The following VRK1 variants were observed in gnomAD, a reference collection of about 807,000 sequenced individuals.
VRK1 encodes serine/threonine-protein kinase VRK1.
A neutral mutation model predicts 57.1 loss-of-function variants in VRK1; 33 were observed. The observed-to-expected ratio is 0.58, with a 90% CI of 0.44 to 0.77. The LOEUF is 0.77. Among genes scored for constraint, VRK1 ranks in the 30% least tolerant of loss-of-function variants. The pLI, the probability that VRK1 is intolerant of heterozygous loss-of-function variation, is 0.00. For synonymous variants in VRK1, 137 were observed against 147.8 expected (o/e 0.93, Z 0.53); for missense variants, 413 against 477.3 (o/e 0.87, Z 1.25).
At chr14:96,829,595 C>T (rs1886929878) in intron 1 of VRK1, among the ~76,000 whole-genome samples, 1 of 152,130 alleles carries the variant, frequency 6.6e-6, no homozygotes, top group Admixed American at 6.6e-5. Context: ...TGTTCAGGGA[C>T]ACAAGAGAAT....
intron 1 of VRK1, among the ~76,000 whole-genome samples, chr14:96,816,861 A>C (rs1465385283): frequency 6.6e-6 from 1 of 152,230 alleles, no homozygotes; most frequent in Non-Finnish European, 1.5e-5. Context: ...TCCTGAGTCA[A>C]AGTCAACTGT....
intron 12 of VRK1, among the ~76,000 whole-genome samples, chr14:96,879,926 C>CA (rs545516768): frequency 0.16 from 22,078 of 139,748 alleles, 1,821 homozygotes; most frequent in Non-Finnish European, 0.2. Context: ...GACTCCCTCT[C>CA]AAAAAAAAAA....
intron 1 of VRK1, among the ~76,000 whole-genome samples, chr14:96,803,678 G>T (rs549079530): frequency 1.3e-5 from 2 of 152,274 alleles, no homozygotes; most frequent in Admixed American, 6.5e-5. Context: ...GATGAAGGGG[G>T]TGCTGCTGTG....
At chr14:96,847,481 G>A in intron 5 of VRK1, 137 bp downstream of exon 5, 1 of 728,016 alleles carries the variant, frequency 1.4e-6, no homozygotes, top group South Asian at 1.6e-5. Flanking sequence ...GTATGTGACA[G>A]AGAGGAATAA....
At chr14:96,814,226 TTAAAGAC>T (rs1447487256) in intron 1 of VRK1, among the ~76,000 whole-genome samples, 3 of 152,214 alleles carry the variant, frequency 2.0e-5, no homozygotes, top group Non-Finnish European at 2.9e-5. Flanking sequence ...CTGTAGTACT[TTAAAGAC>T]TAGAGACTAT....
intron 10 of VRK1, among the ~76,000 whole-genome samples, chr14:96,860,009 TTCTG>T (rs1357742630): frequency 5.9e-5 from 9 of 152,280 alleles, no homozygotes; most frequent in Non-Finnish European, 1.0e-4. Context: ...TATGGTGTGG[TTCTG>T]TCTAAGTGTA....
chr14:96,810,059 C>T (rs1338275684), intron 1 of VRK1, among the ~76,000 whole-genome samples: 2 of 152,166 alleles, frequency 1.3e-5, no homozygotes, highest in Non-Finnish European at 2.9e-5. Flanking sequence ...TTTTCGTGGG[C>T]ATTTCTCTAA....
intron 5 of VRK1, among the ~76,000 whole-genome samples, chr14:96,851,310 T>G (rs926919947): frequency 6.6e-6 from 1 of 152,004 alleles, no homozygotes; most frequent in Admixed American, 6.6e-5. Context: ...CCGGCTAATT[T>G]TTGTGTTTTT....
rs777028935 is a variant in VRK1, at chr14:96,833,500, G to A, written c.29G>A (p.Gly10Glu). 1.1e-5 allele frequency: 17 copies of A among 1,613,572 alleles called. No individual in the cohort carries two copies. The African/African-American group carries it at 2.0e-4, about 19-fold the overall frequency. Residue 10 changes from glycine (G) to glutamate (E), a missense_variant, in exon 2 of 13, where the codon GGA becomes GAA. Transcript: ENST00000216639. Reference sequence around the variant, plus strand: ...CCTCGTGTAAAAGCAGCTCAAGCTGGAAGACAGAGCTCTGCAAAGAGACAT... The same window carrying A: ...CCTCGTGTAAAAGCAGCTCAAGCTGAAAGACAGAGCTCTGCAAAGAGACAT... MPRVKAAQAGRQSSAKRHLA... is the reference protein window; with the variant it reads MPRVKAAQAERQSSAKRHLA...
At chr14:96,804,569 GAA>G (rs1384685290) in intron 1 of VRK1, among the ~76,000 whole-genome samples, 2 of 152,180 alleles carry the variant, frequency 1.3e-5, no homozygotes, top group African/African-American at 2.4e-5. Context: ...TCGTGAAAAA[GAA>G]AGAGTATATA....
chr14:96,855,344 C>T lies in VRK1; in HGVS notation c.697C>T (p.His233Tyr), dbSNP rs1283004543. 6.2e-7 allele frequency: 1 copy of T among 1,613,892 alleles called. No homozygotes were observed. The highest frequency in any genetic ancestry group is 1.7e-5 in the Admixed American group (1 of 59,996). Reference sequence around the variant, plus strand: ...TATTGAATTCACGAGCATCGATGCACACAATGGCGTGGGTATGTCAGTAGT... The same window carrying T: ...TATTGAATTCACGAGCATCGATGCATACAATGGCGTGGGTATGTCAGTAGT... ...GTIEFTSIDA[H>Y]NGVAPSRRGD... Residue 233 changes from histidine (H) to tyrosine (Y), a missense_variant, in exon 8 of 13, where the codon CAC becomes TAC. Around this residue, in one of 3 missense-constraint regions of VRK1, gnomAD observed 151 missense variants for 225.5 expected, o/e 0.67. Coordinates refer to ENST00000216639, the MANE Select transcript of VRK1 (RefSeq NM_003384.3).
chr14:96,839,379 G>A (rs1027796347), intron 3 of VRK1, among the ~76,000 whole-genome samples: 1 of 151,762 alleles, frequency 6.6e-6, no homozygotes, highest in Non-Finnish European at 1.5e-5. Context: ...TGAGTTGCTG[G>A]TTTATAGGGA....
chr14:96,846,209 G>A, intron 4 of VRK1, 45 bp downstream of exon 4: 1 of 1,587,374 alleles, frequency 6.3e-7, no homozygotes, highest in Non-Finnish European at 8.6e-7. Flanking sequence ...AAAATGACCA[G>A]TTTTTTGTTT....
intron 12 of VRK1, 98 bp downstream of exon 12, chr14:96,876,218 T>G: frequency 9.2e-7 from 1 of 1,083,538 alleles, no homozygotes. Flanking sequence ...CATGACCTTT[T>G]GATTTTATAA....
At chr14:96,822,162 T>A (rs915616892) in intron 1 of VRK1, among the ~76,000 whole-genome samples, 1 of 151,952 alleles carries the variant, frequency 6.6e-6, no homozygotes, top group African/African-American at 2.4e-5. Context: ...CTCTACTGAA[T>A]AAAATATAAG....
intron 11 of VRK1, among the ~76,000 whole-genome samples, chr14:96,868,924 T>C (rs951159923): frequency 5.9e-5 from 9 of 151,712 alleles, no homozygotes; most frequent in African/African-American, 2.2e-4. Context: ...GCCTCCCAAG[T>C]AGCTGGGATT....
chr14:96,803,401 CT>C (rs1885745986), intron 1 of VRK1, among the ~76,000 whole-genome samples: 1 of 152,090 alleles, frequency 6.6e-6, no homozygotes, highest in African/African-American at 2.4e-5. Flanking sequence ...GAACTCCTGA[CT>C]TCAGGTGATC....
At chr14:96,867,211 CT>C (rs902384690) in intron 11 of VRK1, among the ~76,000 whole-genome samples, 1 of 152,030 alleles carries the variant, frequency 6.6e-6, no homozygotes, top group Admixed American at 6.6e-5. Flanking sequence ...TATGCTCAAT[CT>C]TTTTTTAAAG....
In VRK1 at chr14:96,860,750, T is replaced by A; in HGVS notation, c.1068+15T>A. Reference sequence around the variant, plus strand: ...CAATAACAAAGGTGAATTTTGTTATTAAATTATTCTTTGGTCTTCTTGTGT... The same window carrying A: ...CAATAACAAAGGTGAATTTTGTTATAAAATTATTCTTTGGTCTTCTTGTGT... On this transcript the variant is annotated intron_variant, in intron 11 of 12. Coordinates refer to ENST00000216639, the MANE Select transcript of VRK1 (RefSeq NM_003384.3). 1 of 1,611,048 alleles carries A rather than the reference T, an allele frequency of 6.2e-7. No homozygotes were observed. Among genetic ancestry groups the A allele is most frequent in the Non-Finnish European group, 8.5e-7 (1 of 1,178,328 alleles).
Sources: gnomAD v4.1 joint callset for allele counts (sites outside exome capture counted in the v4.1 genomes callset) on GRCh38, gnomAD v4.1.1 for gene constraint, gnomAD v4.1.1 regional missense constraint, MANE v1.5 for transcripts, NCBI Gene and HGNC (gene_info 2026-07-23, HGNC 2026-07-21) for gene names.